The following C12orf42 variants were observed in gnomAD, a reference collection of about 807,000 sequenced individuals.
The protein encoded by C12orf42 is uncharacterized protein C12orf42.
In C12orf42, 25 loss-of-function variants were observed where a neutral mutation model predicts 21.6. The observed-to-expected ratio is 1.16, with a 90% confidence interval of 0.84 to 1.62. The LOEUF is 1.62. Among genes scored for constraint, C12orf42 ranks in the 40% most tolerant of loss-of-function variants. The probability of loss-of-function intolerance (pLI) is 0.00; values close to 1 mark genes in which losing one functional copy is unlikely to be tolerated. For synonymous variants in C12orf42, 174 were observed against 175.0 expected, an observed-to-expected ratio of 0.99 and a Z score of 0.05; for missense variants, 483 against 459.3, an observed-to-expected ratio of 1.05 and a Z score of -0.47.
intron 3 of C12orf42, among the ~76,000 whole-genome samples, chr12:103,395,375 G>A (rs187277882): frequency 4.1e-4 from 58 of 143,078 alleles, no homozygotes; most frequent in Middle Eastern, 3.8e-3. Flanking sequence ...TCACTCTGTC[G>A]CCCAGGCTGG....
chr12:103,150,096 C>A, the C12orf42 span, among the ~76,000 whole-genome samples: 1 of 151,998 alleles, frequency 6.6e-6, no homozygotes, highest in South Asian at 2.1e-4. Flanking sequence ...AATTGTTAAA[C>A]CAAAAATTTC....
the C12orf42 span, among the ~76,000 whole-genome samples, chr12:103,078,815 T>C: frequency 6.6e-6 from 1 of 152,244 alleles, no homozygotes; most frequent in Non-Finnish European, 1.5e-5. Flanking sequence ...TTCTTATGAA[T>C]GTAATTTTGT....
the C12orf42 span, among the ~76,000 whole-genome samples, chr12:103,113,959 C>G: frequency 2.6e-5 from 4 of 152,144 alleles, no homozygotes; most frequent in Non-Finnish European, 5.9e-5. Flanking sequence ...CTACTATACA[C>G]TCAACAGTTT....
chr12:103,502,246 C>G, the C12orf42 span, among the ~76,000 whole-genome samples: 1 of 152,300 alleles, frequency 6.6e-6, no homozygotes, highest in South Asian at 2.1e-4. Flanking sequence ...CCCACTCATC[C>G]TTCCATTTCA....
chr12:103,322,878 T>C (rs957135687), intron 4 of C12orf42, among the ~76,000 whole-genome samples: 4 of 152,182 alleles, frequency 2.6e-5, no homozygotes, highest in African/African-American at 7.2e-5. Context: ...CTTATTACCA[T>C]CTCTTAGTGA....
chr12:103,062,819 T>G, the C12orf42 span, among the ~76,000 whole-genome samples: 1 of 152,288 alleles, frequency 6.6e-6, no homozygotes, highest in East Asian at 1.9e-4. Context: ...TTCTAATAAT[T>G]TTTTTACAAA....
the C12orf42 span, among the ~76,000 whole-genome samples, chr12:103,522,214 C>T: frequency 6.6e-6 from 1 of 152,116 alleles, no homozygotes; most frequent in Non-Finnish European, 1.5e-5. Context: ...TAAAGGGTTT[C>T]CCCTTTTGCT....
chr12:103,345,298 A>G (rs1442178924), intron 4 of C12orf42, among the ~76,000 whole-genome samples: 2 of 152,198 alleles, frequency 1.3e-5, no homozygotes, highest in African/African-American at 2.4e-5. Flanking sequence ...AGATAATAAT[A>G]GGACCTTACT....
chr12:103,429,233 C>T (rs1162362543), intron 2 of C12orf42, among the ~76,000 whole-genome samples: 4 of 152,160 alleles, frequency 2.6e-5, no homozygotes, highest in African/African-American at 9.7e-5. Flanking sequence ...TTGTCTCAGC[C>T]CAAAATTTCC....
intron 4 of C12orf42, among the ~76,000 whole-genome samples, chr12:103,326,058 C>G (rs1260037038): frequency 1.3e-5 from 2 of 152,146 alleles, no homozygotes; most frequent in Non-Finnish European, 2.9e-5. Flanking sequence ...CTTGTATTAA[C>G]TAATTTAATT....
At chr12:103,435,181 G>A (rs1434642350) in intron 2 of C12orf42, among the ~76,000 whole-genome samples, 1 of 152,094 alleles carries the variant, frequency 6.6e-6, no homozygotes, top group African/African-American at 2.4e-5. Flanking sequence ...CAGACCTGCA[G>A]CTGAGGGTCC....
At chr12:103,495,032 T>G (rs1199018776) in intron 1 of C12orf42, among the ~76,000 whole-genome samples, 1 of 151,786 alleles carries the variant, frequency 6.6e-6, no homozygotes, top group African/African-American at 2.4e-5. Flanking sequence ...TTAACAAGTG[T>G]CAAGGCCAGC....
At chr12:103,155,076 C>T in the C12orf42 span, 1 of 152,234 alleles carries the variant, frequency 6.6e-6, no homozygotes, top group Non-Finnish European at 1.5e-5. Flanking sequence ...TTGTGTGGAA[C>T]TAGAAATTTA....
At chr12:103,530,564 G>A in the C12orf42 span, among the ~76,000 whole-genome samples, 1 of 152,128 alleles carries the variant, frequency 6.6e-6, no homozygotes, top group Non-Finnish European at 1.5e-5. Flanking sequence ...GGTTGGCACA[G>A]GGTAAATACC....
At chr12:103,371,074 T>C (rs1356285568) in intron 3 of C12orf42, among the ~76,000 whole-genome samples, 1 of 152,114 alleles carries the variant, frequency 6.6e-6, no homozygotes, top group Non-Finnish European at 1.5e-5. Flanking sequence ...TTGGATATTG[T>C]GAATATTATG....
chr12:103,410,885 T>A (rs886339442), intron 2 of C12orf42, among the ~76,000 whole-genome samples: 25 of 152,160 alleles, frequency 1.6e-4, no homozygotes, highest in African/African-American at 5.8e-4. Context: ...ACTGAGCACA[T>A]CTCAGCAACT....
chr12:103,063,616 A>G, the C12orf42 span, among the ~76,000 whole-genome samples: 1 of 152,122 alleles, frequency 6.6e-6, no homozygotes, highest in Non-Finnish European at 1.5e-5. Flanking sequence ...GGCAACAGTG[A>G]TGGCCTTCCC....
At chr12:103,158,086 A>G in the C12orf42 span, among the ~76,000 whole-genome samples, 2 of 152,366 alleles carry the variant, frequency 1.3e-5, no homozygotes, top group Admixed American at 6.5e-5. Flanking sequence ...TGGTGGTAAG[A>G]ATGCCAATCA....
chr12:103,413,122 G>C (rs144714286), intron 2 of C12orf42, among the ~76,000 whole-genome samples: 3 of 152,288 alleles, frequency 2.0e-5, no homozygotes, highest in African/African-American at 7.2e-5. Context: ...TCCATTTTGA[G>C]TTAATTTTTG....
Sources: gnomAD v4.1 joint callset for allele counts (sites outside exome capture counted in the v4.1 genomes callset) on GRCh38, gnomAD v4.1.1 for gene constraint, MANE v1.5 for transcripts, NCBI Gene and HGNC (gene_info 2026-07-23, HGNC 2026-07-21) for gene names.